Variants in NTS observed in about 807,000 individuals in gnomAD.
NTS encodes the protein neurotensin.
In NTS, 20 loss-of-function variants were observed where a neutral mutation model predicts 19.5. The ratio of observed to expected loss-of-function variants is 1.02; its 90% confidence interval spans 0.72 to 1.49. NTS has a LOEUF of 1.49. Among genes scored for constraint, NTS ranks in the 40% most tolerant of loss-of-function variants. The pLI is 0.00. For missense variants in NTS, 215 were observed against 193.1 expected, an observed-to-expected ratio of 1.11 and a Z score of -0.67; for synonymous variants, 71 against 63.3, an observed-to-expected ratio of 1.12 and a Z score of -0.58.
intron 1 of NTS, among the ~76,000 whole-genome samples, chr12:85,876,082 A>G (rs1410448726): frequency 6.9e-6 from 1 of 145,152 alleles, no homozygotes; most frequent in African/African-American, 2.6e-5. Flanking sequence ...TTGAGGATAC[A>G]TAATTTTGAA....
intron 3 of NTS, among the ~76,000 whole-genome samples, chr12:85,880,377 C>T (rs1292068868): frequency 6.6e-6 from 1 of 151,978 alleles, no homozygotes; most frequent in Non-Finnish European, 1.5e-5. Flanking sequence ...ACAAGGGAAA[C>T]ATTTCTTTCA....
Position 85,882,489 on chromosome 12 carries a change from T to G in NTS, c.*114T>G. The G allele has an allele frequency of 1.2e-6, 1 of 857,084 alleles. No homozygotes were observed. Among genetic ancestry groups the G allele is most frequent in the Non-Finnish European group, 1.8e-6 (1 of 560,988 alleles). 53.1% of individuals were successfully genotyped at this position (857,084 alleles called of 1,614,324 possible). Reference sequence around the variant, plus strand: ...CACTTATCTGTCTCTTCTACAATTGTGGTTTATTGAATGTGATTTTTCTGC... The same window carrying G: ...CACTTATCTGTCTCTTCTACAATTGGGGTTTATTGAATGTGATTTTTCTGC... On this transcript the variant is annotated 3_prime_UTR_variant, in exon 4 of 4. Transcript: ENST00000256010.
At chr12:85,880,910 G>C (rs927207121) in intron 3 of NTS, among the ~76,000 whole-genome samples, 3 of 152,076 alleles carry the variant, frequency 2.0e-5, no homozygotes, top group African/African-American at 7.2e-5. Flanking sequence ...TGAGATCACG[G>C]CACTGCACTC....
chr12:85,874,301 C>A lies in NTS; in HGVS notation c.-103C>A. The A allele has an allele frequency of 2.6e-6, 2 of 774,124 alleles. No homozygotes were observed. The highest frequency in any genetic ancestry group is 2.9e-5 in the South Asian group (2 of 68,578). The allele number at this position is 774,124 out of a possible 1,614,324, so 48.0% of individuals were successfully genotyped here. Reference sequence around the variant, plus strand: ...AATGGCCAGAGCACCTCTCATAGTTCACTCACTTTCAAAGCCAGCTGAAGG... The same window carrying A: ...AATGGCCAGAGCACCTCTCATAGTTAACTCACTTTCAAAGCCAGCTGAAGG... On this transcript the variant is annotated 5_prime_UTR_variant, in exon 1 of 4. Transcript: ENST00000256010.
intron 3 of NTS, among the ~76,000 whole-genome samples, chr12:85,879,110 C>T (rs1265752102): frequency 7.3e-6 from 1 of 136,654 alleles, no homozygotes; most frequent in South Asian, 2.4e-4. Flanking sequence ...ATTTTATGTA[C>T]GTAAAATATA....
chr12:85,881,747 A>T (rs1197245635), intron 3 of NTS, among the ~76,000 whole-genome samples: 2 of 152,136 alleles, frequency 1.3e-5, no homozygotes, highest in Non-Finnish European at 2.9e-5. Flanking sequence ...CAAATCAGTA[A>T]CTGACTTAAT....
rs1881280178 is a variant in NTS at position 85,874,304 on chromosome 12, T to A, written c.-100T>A. The A allele has an allele frequency of 1.2e-6, 1 of 803,380 alleles. No homozygotes were observed. The highest frequency in any genetic ancestry group is 2.2e-6 in the Non-Finnish European group (1 of 454,746). The allele number at this position is 803,380 out of a possible 1,614,324, so 49.8% of individuals were successfully genotyped here. Reference sequence around the variant, plus strand: ...GGCCAGAGCACCTCTCATAGTTCACTCACTTTCAAAGCCAGCTGAAGGAAA... The same window carrying A: ...GGCCAGAGCACCTCTCATAGTTCACACACTTTCAAAGCCAGCTGAAGGAAA... On this transcript the variant is annotated 5_prime_UTR_variant, in exon 1 of 4. Transcript: ENST00000256010.
At chr12:85,879,704 G>A (rs1453307805) in intron 3 of NTS, among the ~76,000 whole-genome samples, 1 of 136,314 alleles carries the variant, frequency 7.3e-6, no homozygotes, top group East Asian at 2.1e-4. Context: ...TATATTTTAT[G>A]TATATAAAAT....
At position 85,882,606 on chromosome 12, in the gene NTS, C is replaced by A; in HGVS notation, c.*231C>A. ...ATTGGAGTAGATATTAATTAAGTCA[C>A]CTGTATAATGTTTTGTAATTTTGCA... On this transcript the variant is annotated 3_prime_UTR_variant, in exon 4 of 4. Transcript: ENST00000256010. The A allele has an allele frequency of 2.7e-6, 1 of 375,384 alleles. No homozygotes were observed. The highest frequency in any genetic ancestry group is 2.1e-5 in the African/African-American group (1 of 47,132). The allele number at this position is 375,384 out of a possible 1,614,324, so 23.3% of individuals were successfully genotyped here.
chr12:85,879,342 T>TATA lies in NTS; in HGVS notation c.360+773_360+774insATA, dbSNP rs1213185464. Among the ~76,000 whole-genome samples the TATA allele has an allele frequency of 1.7e-4, 17 of 99,434 alleles. 7 individuals are homozygous for TATA. Among genetic ancestry groups the TATA allele is most frequent in the Non-Finnish European group, 2.4e-4 (13 of 53,960 alleles). 65.2% of individuals were successfully genotyped at this position (99,434 alleles called of 152,430 possible). ...ATATTTAATGTATATTTTATGTATA[T>TATA]TTTATGTATATAAAACATATTTTAT... On this transcript the variant is annotated intron_variant, in intron 3 of 3. Coordinates refer to ENST00000256010, the MANE Select transcript of NTS (RefSeq NM_006183.5).
chr12:85,878,673 C>A, intron 3 of NTS, 104 bp downstream of exon 3: 1 of 648,792 alleles, frequency 1.5e-6, no homozygotes, highest in Non-Finnish European at 2.4e-6. Flanking sequence ...AGAAGAGTTA[C>A]AAGTATTGAA....
intron 3 of NTS, 58 bp downstream of exon 3, chr12:85,878,627 T>A: frequency 1.0e-6 from 1 of 957,074 alleles, no homozygotes; most frequent in Admixed American, 2.8e-5. Flanking sequence ...CTCTCATTTA[T>A]ATTAATTTCT....
At chr12:85,877,575 G>A (rs954671842) in intron 2 of NTS, among the ~76,000 whole-genome samples, 1 of 151,816 alleles carries the variant, frequency 6.6e-6, no homozygotes, top group Non-Finnish European at 1.5e-5. Flanking sequence ...ATATGCCTTG[G>A]TGGTTTTCTG....
intron 3 of NTS, among the ~76,000 whole-genome samples, chr12:85,878,797 T>C (rs1881405588): frequency 6.6e-6 from 1 of 152,036 alleles, no homozygotes; most frequent in Non-Finnish European, 1.5e-5. Context: ...AGGATATATC[T>C]TAAGGCAGAT....
intron 1 of NTS, among the ~76,000 whole-genome samples, chr12:85,874,937 T>C (rs1881306107): frequency 6.6e-6 from 1 of 152,218 alleles, no homozygotes; most frequent in East Asian, 1.9e-4. Context: ...CTTGTTTGTG[T>C]TAAGATAACA....
chr12:85,879,016 T>G (rs1565770506), intron 3 of NTS, among the ~76,000 whole-genome samples: 2 of 150,308 alleles, frequency 1.3e-5, no homozygotes, highest in Non-Finnish European at 3.0e-5. Flanking sequence ...TTTAAATATA[T>G]TAGGCAAATA....
chr12:85,880,634 A>G (rs980033746), intron 3 of NTS, among the ~76,000 whole-genome samples: 2 of 152,200 alleles, frequency 1.3e-5, no homozygotes, highest in African/African-American at 4.8e-5. Flanking sequence ...ATTTAATTAA[A>G]TTCCTGGTAA....
chr12:85,881,512 G>A (rs946042526), intron 3 of NTS, among the ~76,000 whole-genome samples: 1 of 152,090 alleles, frequency 6.6e-6, no homozygotes, highest in Non-Finnish European at 1.5e-5. Flanking sequence ...ATGTTAGAAT[G>A]GGGCATACTC....
chr12:85,876,891 A>T (rs1207091659), intron 2 of NTS, among the ~76,000 whole-genome samples, 190 bp downstream of exon 2: 1 of 152,066 alleles, frequency 6.6e-6, no homozygotes, highest in Non-Finnish European at 1.5e-5. Flanking sequence ...AGGCAAAGAA[A>T]TTATAATTCT....
Sources: gnomAD v4.1 joint callset for allele counts (sites outside exome capture counted in the v4.1 genomes callset) on GRCh38, gnomAD v4.1.1 for gene constraint, MANE v1.5 for transcripts, NCBI Gene and HGNC (gene_info 2026-07-23, HGNC 2026-07-21) for gene names.